Variants in ABCB5 observed in about 807,000 individuals in gnomAD.
ABCB5 encodes ATP-binding cassette sub-family B member 5.
ABCB5 carries 155 observed loss-of-function variants against 144.2 expected under a neutral mutation model. The observed-to-expected ratio is 1.08, with a 90% CI of 0.94 to 1.23. The LOEUF is 1.23. ABCB5 is among the 50% of genes most tolerant of loss of function. The pLI is 0.00. For synonymous variants in ABCB5, 610 were observed against 528.6 expected (o/e 1.15, Z -2.11); for missense variants, 1,830 against 1,520.8 (o/e 1.20, Z -3.38).
chr7:20,643,841 G>C (rs1380448335), intron 7 of ABCB5, among the ~76,000 whole-genome samples: 1 of 152,154 alleles, frequency 6.6e-6, no homozygotes, highest in Non-Finnish European at 1.5e-5. Context: ...GTTTTTAATA[G>C]CTTACTAACA....
chr7:20,660,511 C>A, intron 14 of ABCB5: 1 of 720,202 alleles, frequency 1.4e-6, no homozygotes, highest in Non-Finnish European at 1.7e-6. Flanking sequence ...TGGAAAATGG[C>A]TTATGGAGAA....
chr7:20,745,187 A>T (rs1782680304), intron 25 of ABCB5, 45 bp from the exon 26 acceptor site: 2 of 1,557,288 alleles, frequency 1.3e-6, no homozygotes, highest in Non-Finnish European at 8.9e-7. Flanking sequence ...AACATGATAC[A>T]GTTGTGTGAT....
chr7:20,633,504 A>G (rs535439088), intron 5 of ABCB5, among the ~76,000 whole-genome samples: 6 of 152,258 alleles, frequency 3.9e-5, no homozygotes, highest in Admixed American at 2.0e-4. Context: ...CACAATAATT[A>G]TACATATTTA....
intron 23 of ABCB5, among the ~76,000 whole-genome samples, chr7:20,736,885 C>A (rs181444142): frequency 6.6e-6 from 1 of 152,024 alleles, no homozygotes; most frequent in Non-Finnish European, 1.5e-5. Flanking sequence ...GGAGAAAAAG[C>A]GTAAAGAAGA....
At chr7:20,750,911 G>C (rs1188500400) in intron 26 of ABCB5, among the ~76,000 whole-genome samples, 1 of 152,148 alleles carries the variant, frequency 6.6e-6, no homozygotes, top group Non-Finnish European at 1.5e-5. Context: ...TTGACCTCAA[G>C]GATCCTCTGA....
At chr7:20,699,402 T>A (rs952953953) in intron 17 of ABCB5, among the ~76,000 whole-genome samples, 5 of 152,210 alleles carry the variant, frequency 3.3e-5, no homozygotes, top group Non-Finnish European at 5.9e-5. Context: ...TTTATTTTTA[T>A]GTTGAAATTT....
chr7:20,632,707 T>C (rs1784063468), intron 5 of ABCB5, among the ~76,000 whole-genome samples: 2 of 152,132 alleles, frequency 1.3e-5, no homozygotes, highest in South Asian at 4.1e-4. Context: ...TCATGTCCTT[T>C]GTAGGGACAT....
intron 16 of ABCB5, among the ~76,000 whole-genome samples, chr7:20,686,158 C>T (rs1381103575): frequency 6.6e-6 from 1 of 152,144 alleles, no homozygotes; most frequent in Non-Finnish European, 1.5e-5. Context: ...AATGGTGATG[C>T]TCAAGATTAA....
intron 5 of ABCB5, among the ~76,000 whole-genome samples, chr7:20,638,384 C>T (rs1784211167): frequency 6.6e-6 from 1 of 151,930 alleles, no homozygotes; most frequent in Non-Finnish European, 1.5e-5. Flanking sequence ...ATTTATTTAG[C>T]ATATAATTTA....
chr7:20,687,299 C>T (rs1004342701), intron 16 of ABCB5, among the ~76,000 whole-genome samples: 3 of 152,062 alleles, frequency 2.0e-5, no homozygotes, highest in East Asian at 1.9e-4. Flanking sequence ...AGATAAAAAA[C>T]GAAAATTAAA....
In ABCB5 at chr7:20,681,026, CTTTCTTTCTCTTTCTTTCTT is replaced by C. The variant is rs1562558985; in HGVS notation, c.1708-477_1708-458del. Among the ~76,000 whole-genome samples the C allele has an allele frequency of 1.9e-3, 138 of 72,542 alleles. 13 individuals carry two copies. The highest frequency in any genetic ancestry group is 2.7e-3 in the Non-Finnish European group (110 of 41,394). 47.6% of individuals were successfully genotyped at this position (72,542 alleles called of 152,430 possible). A position where few individuals can be genotyped will look rare whatever the true frequency, so the allele number is the denominator to read the frequency against. On this transcript the variant is annotated intron_variant, in intron 14 of 27. Coordinates refer to ENST00000404938, the MANE Select transcript of ABCB5 (RefSeq NM_001163941.2). ...TCTTTCTTTCTTTCTTTCTTTCTTT[CTTTCTTTCTCTTTCTTTCTT>C]TCTCTCTCTCTCTCTTTCTTTCTTT...
At chr7:20,737,677 C>G (rs1190441062) in intron 23 of ABCB5, among the ~76,000 whole-genome samples, 1 of 152,068 alleles carries the variant, frequency 6.6e-6, no homozygotes, top group Non-Finnish European at 1.5e-5. Flanking sequence ...ATCTTCCCAG[C>G]TCACCTGCTG....
chr7:20,650,294 G>A, intron 12 of ABCB5, 147 bp downstream of exon 12: 2 of 1,096,862 alleles, frequency 1.8e-6, no homozygotes, highest in Non-Finnish European at 2.5e-6. Flanking sequence ...CATTCACTCA[G>A]CAAATATTTA....
rs766931027 is a variant in ABCB5 at position 20,685,725 on chromosome 7, G to C, written c.1899G>C (p.Glu633Asp). ...TTAAAAAAGCTGATGAACAGATGGA[G>C]TCAATGACATATTCTACTGAAAGAA... ...QDIKKADEQM[E>D]SMTYSTERKT... is the part of the protein sequence containing the mutation. The change falls in exon 16 of 28, where the codon GAG (glutamate) becomes GAC (aspartate). Residue 633 changes from glutamate (E) to aspartate (D), a missense_variant. Physicochemically the swap from Glu to Asp is conservative, Grantham distance 45 (BLOSUM62 2). Transcript: ENST00000404938. 6.8e-6 allele frequency: 11 copies of C among 1,612,230 alleles called. No homozygotes were observed. In the South Asian group the frequency reaches 9.9e-5, roughly 15 times the overall value.
Position 20,654,868 on chromosome 7 carries a change from A to G in ABCB5, c.1536+3245A>G, listed in dbSNP as rs192371877. On this transcript the variant is annotated intron_variant, in intron 13 of 27. Coordinates refer to ENST00000404938, the MANE Select transcript of ABCB5 (RefSeq NM_001163941.2). ...TATAGTATTTAATGCTTATTTTCGG[A>G]AAAGAAAAAAGATCTACAGTCTGCA... 3.0e-3 allele frequency among the ~76,000 whole-genome samples: 460 copies of G among 152,210 alleles called. 11 individuals carry two copies. The highest frequency in any genetic ancestry group is 0.028 in the Admixed American group (423 of 15,278).
At chr7:20,637,499 C>T (rs1176690831) in intron 5 of ABCB5, among the ~76,000 whole-genome samples, 1 of 151,324 alleles carries the variant, frequency 6.6e-6, no homozygotes, top group Non-Finnish European at 1.5e-5. Context: ...TGGCTCACTG[C>T]AACCTCTGCC....
At chr7:20,715,877 G>A (rs557918251) in intron 20 of ABCB5, among the ~76,000 whole-genome samples, 135 of 151,846 alleles carry the variant, frequency 8.9e-4, no homozygotes, top group African/African-American at 2.9e-3. Flanking sequence ...CCACCACCAC[G>A]CCCAGCTAAT....
Position 20,681,032 on chromosome 7 carries a change from TTC to T in ABCB5, c.1708-469_1708-468del, listed in dbSNP as rs1359179241. Reference sequence around the variant, plus strand: ...TTTCTTTCTTTCTTTCTTTCTTTCTTTCTCTTTCTTTCTTTCTCTCTCTCTCT... The same window carrying T: ...TTTCTTTCTTTCTTTCTTTCTTTCTTTCTTTCTTTCTTTCTCTCTCTCTCT... On this transcript the variant is annotated intron_variant, in intron 14 of 27. Transcript: ENST00000404938. Among the ~76,000 whole-genome samples, 76 of 28,362 alleles carry T rather than the reference TTC, an allele frequency of 2.7e-3. 2 individuals carry two copies. The highest frequency in any genetic ancestry group is 3.7e-3 in the African/African-American group (21 of 5,636). The allele number at this position is 28,362 out of a possible 152,430, so 18.6% of individuals were successfully genotyped here.
intron 14 of ABCB5, among the ~76,000 whole-genome samples, chr7:20,675,508 G>T (rs1785572625): frequency 1.3e-5 from 2 of 152,056 alleles, no homozygotes; most frequent in South Asian, 2.1e-4. Flanking sequence ...ATAGGTTAAA[G>T]ACATCAGTAT....
Sources: gnomAD v4.1 joint callset for allele counts (sites outside exome capture counted in the v4.1 genomes callset) on GRCh38, gnomAD v4.1.1 for gene constraint, MANE v1.5 for transcripts, NCBI Gene and HGNC (gene_info 2026-07-23, HGNC 2026-07-21) for gene names.